The following DROSHA variants were observed in gnomAD, a reference collection of about 807,000 sequenced individuals.
DROSHA encodes ribonuclease 3.
In DROSHA, 56 loss-of-function variants were observed where a neutral mutation model predicts 181.9. The observed-to-expected ratio is 0.31, with a 90% CI of 0.25 to 0.38. The LOEUF (loss-of-function observed/expected upper bound fraction) is 0.38. Ranked by LOEUF, DROSHA falls within the 10% of genes least tolerant of loss-of-function variation. The pLI, the probability that DROSHA is intolerant of heterozygous loss-of-function variation, is 1.00. For synonymous variants in DROSHA, 524 were observed against 591.2 expected, an observed-to-expected ratio of 0.89 and a Z score of 1.65; for missense variants, 1,218 against 1,743.5, an observed-to-expected ratio of 0.70 and a Z score of 5.37.
At chr5:31,426,443 C>A (rs111423028) in intron 27 of DROSHA, among the ~76,000 whole-genome samples, 58 of 152,268 alleles carry the variant, frequency 3.8e-4, no homozygotes, top group African/African-American at 1.4e-3. Context: ...AATAAGTGCA[C>A]TTTAATACAT....
intron 16 of DROSHA, among the ~76,000 whole-genome samples, chr5:31,481,385 A>G (rs1235372593): frequency 2.6e-5 from 4 of 152,242 alleles, no homozygotes; most frequent in South Asian, 2.1e-4. Context: ...ATCCAACAGC[A>G]GATTTTTCTT....
At chr5:31,457,416 C>G (rs147996548) in intron 20 of DROSHA, among the ~76,000 whole-genome samples, 1 of 152,080 alleles carries the variant, frequency 6.6e-6, no homozygotes, top group South Asian at 2.1e-4. Flanking sequence ...TGAGCCACTG[C>G]GTGCGTAGCC....
At chr5:31,453,601 G>A (rs1353485753) in intron 20 of DROSHA, among the ~76,000 whole-genome samples, 1 of 152,142 alleles carries the variant, frequency 6.6e-6, no homozygotes, top group Non-Finnish European at 1.5e-5. Context: ...TTTAATGGCA[G>A]GCTTTCCACA....
intron 30 of DROSHA, among the ~76,000 whole-genome samples, chr5:31,418,347 G>A (rs1428330980): frequency 1.3e-5 from 2 of 152,056 alleles, no homozygotes; most frequent in African/African-American, 2.4e-5. Flanking sequence ...GTGCAGTGGT[G>A]CAACCACAGC....
At chr5:31,505,835 A>G (rs1378423784) in intron 10 of DROSHA, 1 of 152,216 alleles carries the variant, frequency 6.6e-6, no homozygotes, top group Non-Finnish European at 1.5e-5. Flanking sequence ...ATTTCTTTAA[A>G]GTTATGGAGA....
chr5:31,522,134 T>C (rs763045977), intron 5 of DROSHA, among the ~76,000 whole-genome samples: 1 of 152,196 alleles, frequency 6.6e-6, no homozygotes, highest in Non-Finnish European at 1.5e-5. Context: ...GGTATTAAAA[T>C]AGAAATTGCT....
intron 10 of DROSHA, among the ~76,000 whole-genome samples, chr5:31,506,924 G>C (rs542696514): frequency 9.6e-4 from 146 of 152,262 alleles, no homozygotes; most frequent in Non-Finnish European, 1.7e-3. Flanking sequence ...GCATTAGAAA[G>C]ACTGTTTACA....
intron 15 of DROSHA, 60 bp downstream of exon 15, chr5:31,484,821 C>T: frequency 8.1e-7 from 1 of 1,231,204 alleles, no homozygotes; most frequent in East Asian, 2.6e-5. Context: ...TAAGAGTTTT[C>T]ACATATACCA....
chr5:31,414,651 C>CA, intron 30 of DROSHA, among the ~76,000 whole-genome samples: 1 of 152,294 alleles, frequency 6.6e-6, no homozygotes, highest in African/African-American at 2.4e-5. Flanking sequence ...ATGATAAACA[C>CA]AACAGAAATG....
intron 16 of DROSHA, among the ~76,000 whole-genome samples, chr5:31,474,862 A>C (rs1261548030): frequency 6.6e-6 from 1 of 152,218 alleles, no homozygotes. Flanking sequence ...GAGGACCTTC[A>C]TCAACAACCC....
chr5:31,451,445 A>G, intron 21 of DROSHA, 88 bp downstream of exon 21: 1 of 1,111,364 alleles, frequency 9.0e-7, no homozygotes, highest in South Asian at 1.4e-5. Flanking sequence ...ACATCCCAGG[A>G]TAGAGAACCC....
chr5:31,444,084 G>A (rs980453363), intron 23 of DROSHA, among the ~76,000 whole-genome samples: 5 of 152,190 alleles, frequency 3.3e-5, no homozygotes, highest in African/African-American at 9.7e-5. Flanking sequence ...AGGTTACATG[G>A]GCACGACAGA....
chr5:31,401,809 A>G (rs937238293), intron 35 of DROSHA, among the ~76,000 whole-genome samples: 3 of 152,132 alleles, frequency 2.0e-5, no homozygotes, highest in Admixed American at 6.5e-5. Flanking sequence ...ACTTGGGTAT[A>G]GCAGGCACCG....
In DROSHA at chr5:31,493,196, C is replaced by A; in HGVS notation, c.1842+11G>T. On this transcript the variant is annotated intron_variant, in intron 13 of 35. Coordinates refer to ENST00000344624, the MANE Select transcript of DROSHA (RefSeq NM_001382508.1). ...AGGAAAGAGAAAAGCAGCCAACTGG[C>A]ACATACTTACATTGGTCAGGGGGGC... 1 of 1,600,122 alleles carries A rather than the reference C, an allele frequency of 6.2e-7. No individual in the cohort carries two copies. Among genetic ancestry groups the A allele is most frequent in the Middle Eastern group, 1.7e-4 (1 of 6,052 alleles).
At chr5:31,515,264 C>A in intron 7 of DROSHA, 45 bp from the exon 8 acceptor site, 1 of 1,562,712 alleles carries the variant, frequency 6.4e-7, no homozygotes, top group South Asian at 1.2e-5. Flanking sequence ...AATACTCTTC[C>A]ACTGTAAAAA....
At chr5:31,508,826 G>GTTTTTT in intron 9 of DROSHA, 51 bp from the exon 10 acceptor site, 3 of 1,401,576 alleles carry the variant, frequency 2.1e-6, no homozygotes. Context: ...TAACAAACTG[G>GTTTTTT]TTTTTTTTTT....
chr5:31,492,477 A>G (rs749354557), intron 13 of DROSHA, among the ~76,000 whole-genome samples: 1 of 152,254 alleles, frequency 6.6e-6, no homozygotes, highest in Non-Finnish European at 1.5e-5. Context: ...AGAACATTCT[A>G]TTTGATGTGG....
chr5:31,443,311 C>A (rs982740967), intron 23 of DROSHA, among the ~76,000 whole-genome samples: 1 of 152,022 alleles, frequency 6.6e-6, no homozygotes, highest in Non-Finnish European at 1.5e-5. Context: ...AGCCACCACA[C>A]CTGGCTGAGA....
At chr5:31,473,360 A>G (rs1184200068) in intron 16 of DROSHA, among the ~76,000 whole-genome samples, 1 of 152,240 alleles carries the variant, frequency 6.6e-6, no homozygotes, top group African/African-American at 2.4e-5. Context: ...TTTCTGTGTG[A>G]GCTGTGTTCC....
Sources: gnomAD v4.1 joint callset for allele counts (sites outside exome capture counted in the v4.1 genomes callset) on GRCh38, gnomAD v4.1.1 for gene constraint, MANE v1.5 for transcripts, NCBI Gene and HGNC (gene_info 2026-07-23, HGNC 2026-07-21) for gene names.